CACNA2D3: variants seen among roughly 807,000 people sequenced by gnomAD.
CACNA2D3 encodes the protein voltage-dependent calcium channel subunit alpha-2/delta-3.
In CACNA2D3, 60 loss-of-function variants were observed where a neutral mutation model predicts 160.6. That is an observed-to-expected ratio of 0.37 (90% CI 0.30 to 0.46). The LOEUF (loss-of-function observed/expected upper bound fraction) is 0.46. CACNA2D3 is among the 20% of genes least tolerant of loss of function. The pLI, the probability that CACNA2D3 is intolerant of heterozygous loss-of-function variation, is 1.00. For synonymous variants in CACNA2D3, 558 were observed against 492.9 expected, an observed-to-expected ratio of 1.13 and a Z score of -1.75; for missense variants, 1,205 against 1,365.0, an observed-to-expected ratio of 0.88 and a Z score of 1.85.
intron 11 of CACNA2D3, among the ~76,000 whole-genome samples, chr3:54,729,865 G>T (rs974648056): frequency 7.9e-5 from 12 of 151,896 alleles, no homozygotes; most frequent in African/African-American, 2.9e-4. Flanking sequence ...TGGGCGTGAT[G>T]GCAGGCGCCT....
At chr3:54,684,555 A>G (rs527813797) in intron 11 of CACNA2D3, among the ~76,000 whole-genome samples, 79 of 152,262 alleles carry the variant, frequency 5.2e-4, no homozygotes, top group African/African-American at 1.6e-3. Context: ...ACTGCAGACA[A>G]TGCTAACATT....
chr3:54,477,623 C>G (rs1283225726), intron 4 of CACNA2D3, among the ~76,000 whole-genome samples: 2 of 152,142 alleles, frequency 1.3e-5, no homozygotes, highest in African/African-American at 4.8e-5. Context: ...CATTTCTCTC[C>G]ACCTCCAAGT....
chr3:54,902,661 A>G (rs1392378515), intron 27 of CACNA2D3, among the ~76,000 whole-genome samples: 2 of 152,164 alleles, frequency 1.3e-5, no homozygotes, highest in African/African-American at 2.4e-5. Context: ...CATCCATTGC[A>G]TTGTTGTCAC....
At chr3:54,240,216 T>TTTGTTGTTGTTGTTG (rs10586077) in intron 2 of CACNA2D3, among the ~76,000 whole-genome samples, 1 of 151,626 alleles carries the variant, frequency 6.6e-6, no homozygotes, top group Non-Finnish European at 1.5e-5. Context: ...TAGGTGTATT[T>TTTGTTGTTGTTGTTG]TTGTTGTTGT....
Position 54,546,812 on chromosome 3 carries a change from A to G in CACNA2D3, c.545-15988A>G, listed in dbSNP as rs188518130. The stretch of plus-strand genomic sequence containing the variant: ...CCATTCATCTTGGTTTGCTCAGAAT[A>G]AGCCTAATTTGTACTCTTTGTTTCT... On this transcript the variant is annotated intron_variant, in intron 5 of 37. Transcript: ENST00000474759. 2.2e-3 allele frequency among the ~76,000 whole-genome samples: 338 copies of G among 152,288 alleles called. 1 individual carries two copies. Among genetic ancestry groups the G allele is most frequent in the Non-Finnish European group, 3.5e-3 (240 of 68,022 alleles).
chr3:54,825,038 T>G (rs1703721095), intron 14 of CACNA2D3, among the ~76,000 whole-genome samples: 1 of 152,172 alleles, frequency 6.6e-6, no homozygotes, highest in East Asian at 1.9e-4. Flanking sequence ...TCTCATTTAT[T>G]TAAATATGTG....
intron 2 of CACNA2D3, among the ~76,000 whole-genome samples, chr3:54,303,573 G>T (rs1214789343): frequency 2.0e-5 from 3 of 152,146 alleles, no homozygotes; most frequent in Non-Finnish European, 4.4e-5. Context: ...GAGTTTGGTG[G>T]CCTTTCTGAA....
intron 6 of CACNA2D3, 107 bp from the exon 7 acceptor site, chr3:54,569,688 G>T: frequency 1.1e-6 from 1 of 914,930 alleles, no homozygotes. Flanking sequence ...GTCTTTGCAT[G>T]TGATTTTTCA....
Position 54,209,831 on chromosome 3 carries a change from T to C in CACNA2D3, c.204+86237T>C, listed in dbSNP as rs369062601. Among the ~76,000 whole-genome samples, 3 of 152,380 alleles carry C rather than the reference T, an allele frequency of 2.0e-5. No individual in the cohort carries two copies. The East Asian group carries it at 5.8e-4, about 29-fold the overall frequency. On this transcript the variant is annotated intron_variant, in intron 2 of 37. Transcript: ENST00000474759. ...TTATTATTTTGCTGTATAAATTTTC[T>C]GTGCTCTTTTTGCCACCACCATGTC... is the stretch of plus-strand genomic sequence containing the variant.
intron 13 of CACNA2D3, among the ~76,000 whole-genome samples, chr3:54,814,441 C>G (rs569625328): frequency 6.6e-6 from 1 of 152,188 alleles, no homozygotes; most frequent in Non-Finnish European, 1.5e-5. Flanking sequence ...GGGCAGGGCC[C>G]TGCACGCAAG....
intron 3 of CACNA2D3, among the ~76,000 whole-genome samples, chr3:54,369,066 A>G (rs767370189): frequency 6.6e-6 from 1 of 152,054 alleles, no homozygotes; most frequent in East Asian, 1.9e-4. Flanking sequence ...AATCCCCCCA[A>G]ATAGTGAAAG....
intron 27 of CACNA2D3, among the ~76,000 whole-genome samples, chr3:54,950,936 G>A (rs934580296): frequency 6.6e-6 from 1 of 152,220 alleles, no homozygotes; most frequent in East Asian, 1.9e-4. Flanking sequence ...TCTGGGCTCA[G>A]TGGCAGAGGG....
chr3:54,743,708 C>CT (rs1701695996), intron 11 of CACNA2D3, among the ~76,000 whole-genome samples: 1 of 152,178 alleles, frequency 6.6e-6, no homozygotes, highest in Non-Finnish European at 1.5e-5. Context: ...ATCTGTAATC[C>CT]TTCTTGAGAG....
intron 9 of CACNA2D3, 23 bp downstream of exon 9, chr3:54,581,900 T>A: frequency 6.2e-7 from 1 of 1,603,516 alleles, no homozygotes; most frequent in South Asian, 1.1e-5. Flanking sequence ...CGGGGGAGCA[T>A]TCCAGTCATG....
At chr3:54,721,762 CAA>C (rs34393649) in intron 11 of CACNA2D3, among the ~76,000 whole-genome samples, 8 of 106,282 alleles carry the variant, frequency 7.5e-5, no homozygotes, top group Admixed American at 1.0e-4. Flanking sequence ...AACTCCATCT[CAA>C]AAAAAAAAAA....
At chr3:54,490,239 A>G (rs1397739027) in intron 4 of CACNA2D3, among the ~76,000 whole-genome samples, 1 of 152,210 alleles carries the variant, frequency 6.6e-6, no homozygotes, top group Non-Finnish European at 1.5e-5. Flanking sequence ...CCATTCGATC[A>G]CAGAAAGACC....
At chr3:54,274,379 T>C (rs1702690044) in intron 2 of CACNA2D3, among the ~76,000 whole-genome samples, 1 of 152,140 alleles carries the variant, frequency 6.6e-6, no homozygotes, top group African/African-American at 2.4e-5. Context: ...TGAGAGATCC[T>C]TGAGGCCCAC....
intron 27 of CACNA2D3, among the ~76,000 whole-genome samples, chr3:54,902,224 G>A (rs967267823): frequency 2.2e-4 from 33 of 152,272 alleles, no homozygotes; most frequent in Non-Finnish European, 4.6e-4. Context: ...GGCCAGCTTC[G>A]CTCCCAGGCC....
At chr3:54,770,662 T>C (rs941210242) in intron 13 of CACNA2D3, among the ~76,000 whole-genome samples, 1 of 152,196 alleles carries the variant, frequency 6.6e-6, no homozygotes. Flanking sequence ...ACCCTGGACA[T>C]GTGATCTGGA....
Sources: gnomAD v4.1 joint callset for allele counts (sites outside exome capture counted in the v4.1 genomes callset) on GRCh38, gnomAD v4.1.1 for gene constraint, MANE v1.5 for transcripts, NCBI Gene and HGNC (gene_info 2026-07-23, HGNC 2026-07-21) for gene names.